PRDM16: variants seen among roughly 807,000 people sequenced by gnomAD.
PRDM16 encodes histone-lysine N-methyltransferase PRDM16.
In PRDM16, 23 loss-of-function variants were observed where a neutral mutation model predicts 110.6. The ratio of observed to expected loss-of-function variants is 0.21; its 90% CI spans 0.15 to 0.29. The LOEUF (loss-of-function observed/expected upper bound fraction) is 0.29, where lower values mean the gene tolerates loss of function less well. PRDM16 is among the 10% of genes least tolerant of loss of function. The pLI, the probability that PRDM16 is intolerant of heterozygous loss-of-function variation, is 1.00. For synonymous variants in PRDM16, 799 were observed against 781.8 expected (o/e 1.02, Z -0.37); for missense variants, 1,615 against 1,794.3 (o/e 0.90, Z 1.81).
At chr1:3,152,186 G>A (rs766732718) in intron 1 of PRDM16, among the ~76,000 whole-genome samples, 1 of 152,194 alleles carries the variant, frequency 6.6e-6, no homozygotes, top group Admixed American at 6.5e-5. Context: ...GGTGAAGGTG[G>A]GGAAGGCAGG....
chr1:3,300,042 C>A (rs111702145), intron 3 of PRDM16, among the ~76,000 whole-genome samples: 1 of 87,144 alleles, frequency 1.1e-5, no homozygotes, highest in African/African-American at 3.4e-5. Context: ...GTGATGTTTC[C>A]GATCCCAGTC....
chr1:3,367,557 C>A lies in PRDM16; in HGVS notation c.439-17595C>A, dbSNP rs556216472. On this transcript the variant is annotated intron_variant, in intron 3 of 16. Coordinates refer to ENST00000270722, the MANE Select transcript of PRDM16 (RefSeq NM_022114.4). ...GGGAGTGGCTGGAATGTGACAGCTG[C>A]CGGCCCAACAGCTCTCAAAAGTGCC... Among the ~76,000 whole-genome samples, 21 of 152,330 alleles carry A rather than the reference C, an allele frequency of 1.4e-4. 1 individual carries two copies. In the South Asian group the frequency reaches 4.4e-3, roughly 32 times the overall value.
chr1:3,174,101 C>T (rs1644059230), intron 1 of PRDM16, among the ~76,000 whole-genome samples: 1 of 152,178 alleles, frequency 6.6e-6, no homozygotes, highest in Non-Finnish European at 1.5e-5. Flanking sequence ...TGGACAGGGT[C>T]TTGTTCCCTC....
chr1:3,107,338 AGT>A (rs1173705130), intron 1 of PRDM16, among the ~76,000 whole-genome samples: 1 of 152,170 alleles, frequency 6.6e-6, no homozygotes, highest in Non-Finnish European at 1.5e-5. Context: ...GTGGTTCCAC[AGT>A]GCTGGCTGGG....
rs1420860676 is a variant in PRDM16, at chr1:3,209,687, C to G, written c.387+23213C>G. Reference sequence around the variant, plus strand: ...CCTGCTTCTGGAGAGGTTTAGTTGTCAACGGCCACCAGGAACCACAGCCCT... The same window carrying G: ...CCTGCTTCTGGAGAGGTTTAGTTGTGAACGGCCACCAGGAACCACAGCCCT... On this transcript the variant is annotated intron_variant, in intron 2 of 16. Transcript: ENST00000270722. The surrounding 1 kb of genome is among the most constrained non-coding windows in gnomAD (Gnocchi z 4.6). 6.6e-6 allele frequency among the ~76,000 whole-genome samples: 1 copy of G among 152,178 alleles called. No homozygotes were observed. The highest frequency in any genetic ancestry group is 2.4e-5 in the African/African-American group (1 of 41,442).
chr1:3,275,464 G>A (rs1451920481), intron 3 of PRDM16, among the ~76,000 whole-genome samples: 1 of 152,190 alleles, frequency 6.6e-6, no homozygotes, highest in Non-Finnish European at 1.5e-5. Flanking sequence ...GCAAGGAGAA[G>A]GAGGGCCTGG....
At chr1:3,086,713 G>A (rs938542448) in intron 1 of PRDM16, among the ~76,000 whole-genome samples, 3 of 152,190 alleles carry the variant, frequency 2.0e-5, no homozygotes, top group East Asian at 1.9e-4. Flanking sequence ...AAGTTACTCC[G>A]CTGCTTCCTT....
intron 3 of PRDM16, among the ~76,000 whole-genome samples, chr1:3,322,463 G>A (rs1475741457): frequency 6.6e-6 from 1 of 152,170 alleles, no homozygotes; most frequent in African/African-American, 2.4e-5. Context: ...CCTCGGGAAT[G>A]AACCAGTGAG....
chr1:3,234,571 C>T (rs1413023086), intron 2 of PRDM16, among the ~76,000 whole-genome samples: 1 of 152,206 alleles, frequency 6.6e-6, no homozygotes, highest in Non-Finnish European at 1.5e-5. Context: ...CTTCCCTAAG[C>T]CCCATAGTCA....
chr1:3,348,240 G>T (rs928466965), intron 3 of PRDM16, among the ~76,000 whole-genome samples: 1 of 152,188 alleles, frequency 6.6e-6, no homozygotes, highest in Non-Finnish European at 1.5e-5. Flanking sequence ...AGGCTCGCTG[G>T]CTCAGCCCAG....
At chr1:3,133,336 G>C (rs1643372641) in intron 1 of PRDM16, 1 of 152,336 alleles carries the variant, frequency 6.6e-6, no homozygotes, top group African/African-American at 2.4e-5. Flanking sequence ...GCACCTCGGG[G>C]CTGTGGGCCT....
At chr1:3,277,768 C>T (rs976016438) in intron 3 of PRDM16, among the ~76,000 whole-genome samples, 33 of 142,628 alleles carry the variant, frequency 2.3e-4, no homozygotes, top group African/African-American at 6.3e-4. Flanking sequence ...CACACACGCG[C>T]ACACACACGC....
intron 3 of PRDM16, among the ~76,000 whole-genome samples, chr1:3,330,752 ACAGAGCCTC>A (rs1433976869): frequency 3.9e-5 from 6 of 152,186 alleles, no homozygotes; most frequent in Non-Finnish European, 5.9e-5. Flanking sequence ...AGTCATCACG[ACAGAGCCTC>A]CTAAGCGAGG....
At chr1:3,078,726 T>C (rs1641953134) in intron 1 of PRDM16, among the ~76,000 whole-genome samples, 1 of 152,212 alleles carries the variant, frequency 6.6e-6, no homozygotes, top group Non-Finnish European at 1.5e-5. Flanking sequence ...ACGGGGTGCA[T>C]ACGTGAGGAA....
At chr1:3,109,123 C>A (rs1450512370) in intron 1 of PRDM16, among the ~76,000 whole-genome samples, 1 of 145,996 alleles carries the variant, frequency 6.8e-6, no homozygotes, top group Non-Finnish European at 1.5e-5. Flanking sequence ...TAATGTCAAA[C>A]AAAATCACAT....
At chr1:3,331,697 C>T (rs771627195) in intron 3 of PRDM16, among the ~76,000 whole-genome samples, 3 of 152,226 alleles carry the variant, frequency 2.0e-5, no homozygotes, top group African/African-American at 4.8e-5. Context: ...GGGCAGAGAA[C>T]AGCCTTCCTC....
chr1:3,100,764 G>T (rs1408825197), intron 1 of PRDM16, among the ~76,000 whole-genome samples: 1 of 152,204 alleles, frequency 6.6e-6, no homozygotes, highest in Non-Finnish European at 1.5e-5. Context: ...GGTGGAATGT[G>T]GGGCAGGAGG....
intron 3 of PRDM16, among the ~76,000 whole-genome samples, chr1:3,282,529 G>A (rs1442272666): frequency 6.6e-6 from 1 of 152,204 alleles, no homozygotes; most frequent in East Asian, 1.9e-4. Context: ...CCCTGATGCT[G>A]CTCCATGCAC....
intron 3 of PRDM16, among the ~76,000 whole-genome samples, chr1:3,367,690 G>A (rs931788740): frequency 6.6e-6 from 1 of 152,198 alleles, no homozygotes; most frequent in Non-Finnish European, 1.5e-5. Flanking sequence ...AGAACATATT[G>A]GCAAGAGTGG....
Sources: gnomAD v4.1 joint callset for allele counts (sites outside exome capture counted in the v4.1 genomes callset) on GRCh38, gnomAD v4.1.1 for gene constraint, Gnocchi (gnomAD v3.1) non-coding constraint, MANE v1.5 for transcripts, NCBI Gene and HGNC (gene_info 2026-07-23, HGNC 2026-07-21) for gene names.